The following RIMS2 variants were observed in gnomAD, a reference collection of about 807,000 sequenced individuals.
RIMS2 encodes regulating synaptic membrane exocytosis 2, also known as regulating synaptic membrane exocytosis protein 2.
A neutral mutation model predicts 174.4 loss-of-function variants in RIMS2; 59 were observed. The observed-to-expected ratio is 0.34, with a 90% confidence interval of 0.27 to 0.42. The LOEUF (loss-of-function observed/expected upper bound fraction) is 0.42. RIMS2 is among the 10% of genes least tolerant of loss of function. The probability of loss-of-function intolerance (pLI) is 1.00; values close to 1 mark genes in which losing one functional copy is unlikely to be tolerated. For synonymous variants in RIMS2, 606 were observed against 572.5 expected, an observed-to-expected ratio of 1.06 and a Z score of -0.84; for missense variants, 1,620 against 1,666.3, an observed-to-expected ratio of 0.97 and a Z score of 0.48.
intron 3 of RIMS2, among the ~76,000 whole-genome samples, chr8:103,781,492 A>G (rs1479145259): frequency 6.6e-6 from 1 of 152,192 alleles, no homozygotes; most frequent in Non-Finnish European, 1.5e-5. Flanking sequence ...GCAAGTGTTA[A>G]AAGTTATTTT....
intron 19 of RIMS2, among the ~76,000 whole-genome samples, chr8:104,201,185 T>C (rs1017871675): frequency 6.6e-6 from 1 of 152,120 alleles, no homozygotes; most frequent in African/African-American, 2.4e-5. Flanking sequence ...TTTGTGTCTA[T>C]GTGTACTCAA....
At chr8:103,573,117 G>A (rs1031251053) in intron 1 of RIMS2, among the ~76,000 whole-genome samples, 3 of 151,956 alleles carry the variant, frequency 2.0e-5, no homozygotes, top group Admixed American at 2.0e-4. Context: ...TGGATGTGGT[G>A]GTGTGATCCT....
At chr8:104,078,031 C>G (rs905326897) in intron 19 of RIMS2, among the ~76,000 whole-genome samples, 4 of 151,730 alleles carry the variant, frequency 2.6e-5, no homozygotes, top group South Asian at 2.1e-4. Flanking sequence ...GTAATCCCAG[C>G]TAGTTAGAAG....
chr8:103,549,010 A>G (rs1313111691), intron 1 of RIMS2, among the ~76,000 whole-genome samples: 2 of 152,310 alleles, frequency 1.3e-5, no homozygotes, highest in African/African-American at 4.8e-5. Context: ...TTGCTCAAAG[A>G]AATCAGAGAT....
At chr8:104,040,580 G>T (rs1001669111) in intron 19 of RIMS2, among the ~76,000 whole-genome samples, 13 of 151,710 alleles carry the variant, frequency 8.6e-5, no homozygotes, top group African/African-American at 3.1e-4. Context: ...TCTATAAAGT[G>T]GCATTTGTAA....
intron 19 of RIMS2, among the ~76,000 whole-genome samples, chr8:104,241,335 G>A (rs938781146): frequency 6.6e-6 from 1 of 152,120 alleles, no homozygotes; most frequent in African/African-American, 2.4e-5. Context: ...TGCTATAACT[G>A]TAAAATTGGG....
chr8:103,822,232 C>T (rs369012595), intron 3 of RIMS2, among the ~76,000 whole-genome samples: 15 of 151,718 alleles, frequency 9.9e-5, no homozygotes, highest in African/African-American at 3.4e-4. Context: ...GACTTTTGTT[C>T]GGTAGCTAAT....
intron 16 of RIMS2, 39 bp downstream of exon 18, chr8:103,975,545 A>G (rs750139380): frequency 5.3e-6 from 8 of 1,500,130 alleles, no homozygotes; most frequent in Middle Eastern, 1.7e-4. Context: ...GGGTGGCTGT[A>G]TTAGTCAGTG....
chr8:103,772,525 T>C (rs2154428486), intron 3 of RIMS2, among the ~76,000 whole-genome samples: 1 of 152,178 alleles, frequency 6.6e-6, no homozygotes, highest in South Asian at 2.1e-4. Context: ...AAAGTCTGAA[T>C]AAATAGAAAG....
chr8:104,091,429 A>G (rs1354661156), intron 19 of RIMS2, among the ~76,000 whole-genome samples: 1 of 151,448 alleles, frequency 6.6e-6, no homozygotes, highest in Non-Finnish European at 1.5e-5. Flanking sequence ...TCCCATACGG[A>G]GTATAGTATC....
rs565310382 is a variant in RIMS2, at chr8:104,031,539, G to A, written c.3334+16924G>A. 9.2e-5 allele frequency among the ~76,000 whole-genome samples: 14 copies of A among 152,092 alleles called. 1 individual carries two copies. Among genetic ancestry groups the A allele is most frequent in the Admixed American group, 1.3e-4 (2 of 15,232 alleles). On this transcript the variant is annotated intron_variant, in intron 19 of 23. Coordinates refer to ENST00000504942, the Ensembl canonical transcript of RIMS2. ...CATTTCTATATTTAAAATGTTAACTGCATATTACATAGTTTATGTGAGAAT... is the reference window on the plus strand; with the variant it reads ...CATTTCTATATTTAAAATGTTAACTACATATTACATAGTTTATGTGAGAAT...
chr8:103,615,907 A>T (rs1301215139), intron 1 of RIMS2, among the ~76,000 whole-genome samples: 2 of 152,076 alleles, frequency 1.3e-5, no homozygotes, highest in Admixed American at 6.6e-5. Flanking sequence ...AACGCCCAAC[A>T]CCTGATGGAT....
At chr8:103,740,223 C>T (rs1402451169) in intron 2 of RIMS2, among the ~76,000 whole-genome samples, 4 of 152,114 alleles carry the variant, frequency 2.6e-5, no homozygotes, top group East Asian at 3.9e-4. Context: ...GAAGAATATA[C>T]GTTGTTAACA....
chr8:104,050,600 G>A (rs917251565), intron 19 of RIMS2, among the ~76,000 whole-genome samples: 2 of 152,148 alleles, frequency 1.3e-5, no homozygotes, highest in African/African-American at 4.8e-5. Context: ...TTTAGAAAAG[G>A]AGAATAATTT....
At chr8:104,026,480 A>G (rs1004485799) in intron 19 of RIMS2, among the ~76,000 whole-genome samples, 1 of 152,164 alleles carries the variant, frequency 6.6e-6, no homozygotes, top group Non-Finnish European at 1.5e-5. Context: ...CTTTGCCAGG[A>G]TTATATAGAC....
chr8:103,818,427 T>C lies in RIMS2; in HGVS notation c.698+51890T>C, dbSNP rs114688252. On this transcript the variant is annotated intron_variant, in intron 3 of 23. Transcript: ENST00000504942. The stretch of plus-strand genomic sequence containing the variant: ...GTACTTGGGTATAGAATAACCTAAA[T>C]GTTTATCAGAAACAGAATTATTCAC... Among the ~76,000 whole-genome samples the C allele has an allele frequency of 7.2e-3, 1,093 of 152,296 alleles. 22 individuals carry two copies. The highest frequency in any genetic ancestry group is 0.025 in the African/African-American group (1,025 of 41,574).
intron 3 of RIMS2, among the ~76,000 whole-genome samples, chr8:103,806,726 G>T (rs2098652668): frequency 6.6e-6 from 1 of 151,798 alleles, no homozygotes; most frequent in Non-Finnish European, 1.5e-5. Flanking sequence ...GAGAGATGTT[G>T]GTAGATGGAA....
At chr8:103,936,026 CAAAT>C (rs1396844612) in intron 12 of RIMS2, among the ~76,000 whole-genome samples, 1 of 151,976 alleles carries the variant, frequency 6.6e-6, no homozygotes, top group Non-Finnish European at 1.5e-5. Context: ...AGATGTATGT[CAAAT>C]AAATATGAAT....
rs529134513 is a variant in RIMS2, at chr8:103,894,248, T to C, written c.1624+8025T>C. On this transcript the variant is annotated intron_variant, in intron 4 of 23. Transcript: ENST00000504942. Reference sequence around the variant, plus strand: ...GTCAAGCTGTTTTATATACTTTACTTGGTGTCAAAAGTTAAAACAAAATAG... The same window carrying C: ...GTCAAGCTGTTTTATATACTTTACTCGGTGTCAAAAGTTAAAACAAAATAG... Among the ~76,000 whole-genome samples the C allele has an allele frequency of 7.4e-5, 11 of 149,166 alleles. 1 individual carries two copies. Among genetic ancestry groups the C allele is most frequent in the African/African-American group, 2.8e-4 (11 of 38,660 alleles).
Sources: gnomAD v4.1 joint callset for allele counts (sites outside exome capture counted in the v4.1 genomes callset) on GRCh38, gnomAD v4.1.1 for gene constraint, MANE v1.5 for transcripts, NCBI Gene and HGNC (gene_info 2026-07-23, HGNC 2026-07-21) for gene names.